Variants in MCUB observed in about 807,000 individuals in gnomAD.
MCUB encodes the protein mitochondrial calcium uniporter dominant negative subunit beta, also known as calcium uniporter regulatory subunit MCUb, mitochondrial.
In MCUB, 46 loss-of-function variants were observed where a neutral mutation model predicts 41.4. That is an observed-to-expected ratio of 1.11 (90% CI 0.88 to 1.42). The LOEUF is 1.42. Among genes scored for constraint, MCUB ranks in the 40% most tolerant of loss-of-function variants. MCUB has a pLI of 0.00. For missense variants in MCUB, 403 were observed against 404.9 expected (o/e 1.00, Z 0.04); for synonymous variants, 148 against 148.2 (o/e 1.00, Z 0.01).
intron 1 of MCUB, among the ~76,000 whole-genome samples, chr4:109,588,994 G>A (rs1169581387): frequency 6.6e-6 from 1 of 152,134 alleles, no homozygotes; most frequent in African/African-American, 2.4e-5. Context: ...AAAATAATGA[G>A]AAGGGACTTG....
chr4:109,575,775 G>T (rs1224642682), intron 1 of MCUB, among the ~76,000 whole-genome samples: 4 of 152,118 alleles, frequency 2.6e-5, no homozygotes, highest in African/African-American at 9.7e-5. Context: ...TTAGAAAAAG[G>T]TCATTTCATA....
chr4:109,628,680 G>A (rs1355470250), intron 1 of MCUB, among the ~76,000 whole-genome samples: 1 of 152,160 alleles, frequency 6.6e-6, no homozygotes, highest in Non-Finnish European at 1.5e-5. Context: ...GGTGTATGGC[G>A]GTACCACTTA....
At chr4:109,566,872 T>C (rs953565964) in intron 1 of MCUB, among the ~76,000 whole-genome samples, 1 of 152,126 alleles carries the variant, frequency 6.6e-6, no homozygotes, top group Non-Finnish European at 1.5e-5. Context: ...ACGCATTTAG[T>C]TTATATAGCA....
chr4:109,602,524 G>A (rs1261447245), intron 1 of MCUB, among the ~76,000 whole-genome samples: 3 of 152,162 alleles, frequency 2.0e-5, no homozygotes, highest in Non-Finnish European at 2.9e-5. Context: ...CTCACTGTGT[G>A]TGGATTTGTT....
chr4:109,612,926 G>A (rs1428722732), intron 1 of MCUB, among the ~76,000 whole-genome samples: 9 of 152,116 alleles, frequency 5.9e-5, no homozygotes, highest in East Asian at 1.9e-4. Flanking sequence ...CTAACACGGT[G>A]AAATCCCGTC....
intron 1 of MCUB, among the ~76,000 whole-genome samples, chr4:109,609,432 C>G (rs1163084637): frequency 6.6e-6 from 1 of 152,162 alleles, no homozygotes; most frequent in Non-Finnish European, 1.5e-5. Context: ...GGGAGTGTAG[C>G]AGTGAGGATG....
chr4:109,576,686 T>G (rs1007857047), intron 1 of MCUB, among the ~76,000 whole-genome samples: 1 of 152,046 alleles, frequency 6.6e-6, no homozygotes, highest in Non-Finnish European at 1.5e-5. Context: ...TTAGGATAAT[T>G]AGAGGGAAGT....
At chr4:109,686,754 T>C (rs1470168882) in intron 7 of MCUB, among the ~76,000 whole-genome samples, 1 of 152,166 alleles carries the variant, frequency 6.6e-6, no homozygotes, top group East Asian at 1.9e-4. Flanking sequence ...CACATGCTTG[T>C]AGCCCTAGCT....
At chr4:109,619,325 C>T (rs1054313679) in intron 1 of MCUB, among the ~76,000 whole-genome samples, 4 of 152,106 alleles carry the variant, frequency 2.6e-5, no homozygotes, top group African/African-American at 9.7e-5. Flanking sequence ...GTGATCTGCC[C>T]GCCTTGGCTT....
At chr4:109,654,970 G>A (rs1045389578) in intron 1 of MCUB, among the ~76,000 whole-genome samples, 4 of 152,090 alleles carry the variant, frequency 2.6e-5, no homozygotes, top group African/African-American at 9.7e-5. Context: ...ATAGCTTAGT[G>A]CCACAAGACT....
intron 1 of MCUB, among the ~76,000 whole-genome samples, chr4:109,634,343 G>C (rs917673526): frequency 6.6e-5 from 10 of 152,084 alleles, no homozygotes; most frequent in African/African-American, 2.4e-4. Flanking sequence ...TTAGCTGGGC[G>C]TGGTGGCGCG....
At chr4:109,648,374 C>T (rs1404338409) in intron 1 of MCUB, 2 of 239,540 alleles carry the variant, frequency 8.3e-6, no homozygotes, top group Non-Finnish European at 1.7e-5. Context: ...TGAGAAATTA[C>T]AGTAGGTGGA....
At chr4:109,630,861 G>T (rs987326628) in intron 1 of MCUB, among the ~76,000 whole-genome samples, 1 of 152,132 alleles carries the variant, frequency 6.6e-6, no homozygotes, top group Admixed American at 6.5e-5. Flanking sequence ...GATTACAGGC[G>T]TGAGCCACTG....
chr4:109,668,838 C>A (rs1001131245), intron 4 of MCUB, among the ~76,000 whole-genome samples: 1 of 151,838 alleles, frequency 6.6e-6, no homozygotes, highest in Non-Finnish European at 1.5e-5. Flanking sequence ...TAAGAGTTTG[C>A]AATATACATT....
intron 1 of MCUB, among the ~76,000 whole-genome samples, chr4:109,613,320 A>T (rs543137462): frequency 6.6e-6 from 1 of 152,316 alleles, no homozygotes; most frequent in South Asian, 2.1e-4. Flanking sequence ...TTATTAGCTC[A>T]GTTTCTGTAG....
chr4:109,679,597 C>T (rs528870831), intron 4 of MCUB, among the ~76,000 whole-genome samples: 3 of 152,144 alleles, frequency 2.0e-5, no homozygotes, highest in African/African-American at 4.8e-5. Context: ...AGTCCAGCCT[C>T]GGCAAGAGAG....
chr4:109,672,218 T>G (rs1049548913), intron 4 of MCUB, among the ~76,000 whole-genome samples: 3 of 152,204 alleles, frequency 2.0e-5, no homozygotes, highest in Non-Finnish European at 2.9e-5. Context: ...CCAAGCCAGA[T>G]AAGGCTCTGG....
At chr4:109,570,044 C>G (rs1303010415) in intron 1 of MCUB, among the ~76,000 whole-genome samples, 1 of 152,166 alleles carries the variant, frequency 6.6e-6, no homozygotes, top group East Asian at 1.9e-4. Context: ...CTGCCACTCA[C>G]CCATACTATT....
At position 109,624,863 on chromosome 4, in the gene MCUB, A is replaced by T. The variant is rs140011406; in HGVS notation, c.100-34148A>T. Among the ~76,000 whole-genome samples the T allele has an allele frequency of 8.7e-3, 1,318 of 152,284 alleles. 21 individuals carry two copies. Among genetic ancestry groups the T allele is most frequent in the African/African-American group, 0.029 (1,213 of 41,550 alleles). ...GTATAGTCCAAACCTGATGTCGGCCAGGCTGGTGGCTCACACCTGTAATCC... is the reference window on the plus strand; with the variant it reads ...GTATAGTCCAAACCTGATGTCGGCCTGGCTGGTGGCTCACACCTGTAATCC... On this transcript the variant is annotated intron_variant, in intron 1 of 7. Coordinates refer to ENST00000394650, the MANE Select transcript of MCUB (RefSeq NM_017918.5).
Sources: allele counts gnomAD v4.1 joint callset (sites outside exome capture counted in the v4.1 genomes callset), GRCh38; gene constraint gnomAD v4.1.1; transcripts MANE v1.5; gene names NCBI Gene and HGNC (gene_info 2026-07-23, HGNC 2026-07-21).